Variants in MAPKAP1 observed in about 807,000 individuals in gnomAD.
The protein encoded by MAPKAP1 is target of rapamycin complex 2 subunit MAPKAP1.
A neutral mutation model predicts 65.7 loss-of-function variants in MAPKAP1; 20 were observed. The observed-to-expected ratio is 0.30, with a 90% CI of 0.21 to 0.44. The LOEUF (loss-of-function observed/expected upper bound fraction) is 0.44, where lower values mean the gene tolerates loss of function less well. Among genes scored for constraint, MAPKAP1 ranks in the 20% least tolerant of loss-of-function variants. The pLI is 1.00. For missense variants in MAPKAP1, 423 were observed against 648.0 expected (o/e 0.65, Z 3.77); for synonymous variants, 222 against 244.3 (o/e 0.91, Z 0.85).
At chr9:125,693,638 C>A (rs374493330) in intron 1 of MAPKAP1, among the ~76,000 whole-genome samples, 2 of 143,240 alleles carry the variant, frequency 1.4e-5, no homozygotes, top group African/African-American at 2.6e-5. Flanking sequence ...CACATATACA[C>A]ACACATATAC....
rs575726434 is a variant in MAPKAP1 at position 125,480,960 on chromosome 9, A to G, written c.1207+3483T>C. ...GCACTCCAGCCTGGGTGACAGAGCG[A>G]GACTCCGTTTCGGGGAAAAAAAAAA... is the stretch of plus-strand genomic sequence containing the variant. On this transcript the variant is annotated intron_variant, in intron 9 of 11. Coordinates refer to ENST00000265960, the MANE Select transcript of MAPKAP1 (RefSeq NM_001006617.3). 3.1e-5 allele frequency among the ~76,000 whole-genome samples: 4 copies of G among 129,614 alleles called. No homozygotes were observed. The East Asian group carries it at 9.7e-4, about 31-fold the overall frequency. 85.0% of individuals were successfully genotyped at this position (129,614 alleles called of 152,430 possible). A position where few individuals can be genotyped will look rare whatever the true frequency, so the allele number is the denominator to read the frequency against.
chr9:125,458,594 GAA>G (rs1229930785), intron 10 of MAPKAP1, among the ~76,000 whole-genome samples: 1 of 151,682 alleles, frequency 6.6e-6, no homozygotes, highest in African/African-American at 2.4e-5. Context: ...AGAACAAAAT[GAA>G]AAGTCTCCCA....
intron 3 of MAPKAP1, among the ~76,000 whole-genome samples, chr9:125,661,973 C>T (rs1834198080): frequency 1.3e-5 from 2 of 151,774 alleles, no homozygotes; most frequent in African/African-American, 4.8e-5. Context: ...GAGACATTAA[C>T]CAAAGTAGTA....
chr9:125,592,937 C>G (rs1226782823), intron 4 of MAPKAP1, among the ~76,000 whole-genome samples: 1 of 143,952 alleles, frequency 6.9e-6, no homozygotes, highest in Non-Finnish European at 1.5e-5. Flanking sequence ...ATACTATGTG[C>G]TGTGACAGGC....
At chr9:125,686,695 C>A (rs535910365) in intron 1 of MAPKAP1, among the ~76,000 whole-genome samples, 1 of 152,356 alleles carries the variant, frequency 6.6e-6, no homozygotes, top group African/African-American at 2.4e-5. Context: ...ATAATTCAAA[C>A]TCAGAGGTAC....
intron 5 of MAPKAP1, among the ~76,000 whole-genome samples, chr9:125,580,205 T>C (rs993478085): frequency 3.9e-5 from 6 of 152,254 alleles, no homozygotes; most frequent in Admixed American, 3.9e-4. Context: ...CAAAGGATTA[T>C]AAATCATGCT....
At chr9:125,528,173 A>G (rs1357988685) in intron 7 of MAPKAP1, among the ~76,000 whole-genome samples, 1 of 152,210 alleles carries the variant, frequency 6.6e-6, no homozygotes, top group African/African-American at 2.4e-5. Context: ...CAAGGTGCTT[A>G]CCAGCAGCTG....
intron 7 of MAPKAP1, among the ~76,000 whole-genome samples, chr9:125,526,395 T>C (rs1439013744): frequency 6.6e-6 from 1 of 152,250 alleles, no homozygotes; most frequent in Non-Finnish European, 1.5e-5. Flanking sequence ...ATATTTGAGA[T>C]ATTAGTCATC....
At chr9:125,692,869 T>C (rs771581000) in intron 1 of MAPKAP1, among the ~76,000 whole-genome samples, 41 of 151,866 alleles carry the variant, frequency 2.7e-4, no homozygotes, top group Admixed American at 1.3e-4. Flanking sequence ...CATGCAAAAA[T>C]GGCAGTTTCC....
At chr9:125,500,055 T>C (rs976174571) in intron 8 of MAPKAP1, among the ~76,000 whole-genome samples, 3 of 152,112 alleles carry the variant, frequency 2.0e-5, no homozygotes, top group Non-Finnish European at 2.9e-5. Context: ...TAAAAAGAAA[T>C]TGGTGAATTT....
intron 5 of MAPKAP1, among the ~76,000 whole-genome samples, chr9:125,576,935 C>T (rs1268423247): frequency 1.3e-5 from 2 of 152,128 alleles, no homozygotes; most frequent in Non-Finnish European, 2.9e-5. Context: ...TCTGCCGGGC[C>T]GCCACCCCGT....
intron 10 of MAPKAP1, among the ~76,000 whole-genome samples, chr9:125,457,212 C>T (rs1853213847): frequency 6.6e-6 from 1 of 152,148 alleles, no homozygotes; most frequent in Admixed American, 6.6e-5. Flanking sequence ...TGGTCTCGAA[C>T]TCCTGACCTC....
chr9:125,546,167 G>A (rs892344345), intron 6 of MAPKAP1, among the ~76,000 whole-genome samples: 3 of 152,142 alleles, frequency 2.0e-5, no homozygotes, highest in African/African-American at 7.2e-5. Flanking sequence ...AAGGGAAGGG[G>A]CACACACGGC....
intron 10 of MAPKAP1, among the ~76,000 whole-genome samples, chr9:125,451,932 C>T (rs1852969913): frequency 6.6e-6 from 1 of 151,986 alleles, no homozygotes; most frequent in African/African-American, 2.4e-5. Flanking sequence ...GCCTCAGCCT[C>T]CAGAGTAGCT....
At chr9:125,542,992 AC>A (rs779834137) in intron 7 of MAPKAP1, 66 bp downstream of exon 7, 16 of 1,035,418 alleles carry the variant, frequency 1.5e-5, no homozygotes, top group Admixed American at 8.4e-5. Context: ...ACACACACAC[AC>A]CCCCTATGCC....
chr9:125,560,363 A>G (rs1830856041), intron 5 of MAPKAP1, among the ~76,000 whole-genome samples: 1 of 152,272 alleles, frequency 6.6e-6, no homozygotes, highest in East Asian at 1.9e-4. Flanking sequence ...AGGCAGGCAG[A>G]TCGCTTGATC....
At chr9:125,496,544 G>A (rs1854956566) in intron 8 of MAPKAP1, among the ~76,000 whole-genome samples, 1 of 152,226 alleles carries the variant, frequency 6.6e-6, no homozygotes, top group Non-Finnish European at 1.5e-5. Flanking sequence ...GGGGAGATCA[G>A]TAATTTGTAA....
At chr9:125,689,785 GTCTATAACAATGTACTACGGGCCAGGC>G (rs1835111323) in intron 1 of MAPKAP1, among the ~76,000 whole-genome samples, 1 of 148,594 alleles carries the variant, frequency 6.7e-6, no homozygotes, top group Admixed American at 6.7e-5. Context: ...CGCTAGAGGA[GTCTATAACAATGTACTACGGGCCAGGC>G]GCGGTGGCTC....
At chr9:125,529,177 G>GAAAAAAAAAAAAAAAA (rs764136309) in intron 7 of MAPKAP1, among the ~76,000 whole-genome samples, 1 of 99,756 alleles carries the variant, frequency 1.0e-5, no homozygotes, top group Non-Finnish European at 1.9e-5. Flanking sequence ...TCTATCTCAG[G>GAAAAAAAAAAAAAAAA]AAAAAAAAAA....
Sources: allele counts gnomAD v4.1 joint callset (sites outside exome capture counted in the v4.1 genomes callset), GRCh38; gene constraint gnomAD v4.1.1; transcripts MANE v1.5; gene names NCBI Gene and HGNC (gene_info 2026-07-23, HGNC 2026-07-21).